Variants in GPC5 observed in about 807,000 individuals in gnomAD.
GPC5 encodes the protein glypican-5.
In GPC5, 47 loss-of-function variants were observed where a neutral mutation model predicts 53.9. The observed-to-expected ratio is 0.87, with a 90% confidence interval of 0.69 to 1.11. The LOEUF (loss-of-function observed/expected upper bound fraction) is 1.11, where lower values mean the gene tolerates loss of function less well. GPC5 is among the 50% of genes most tolerant of loss of function. The probability of loss-of-function intolerance (pLI) is 0.00; values close to 1 mark genes in which losing one functional copy is unlikely to be tolerated. For missense variants in GPC5, 748 were observed against 713.1 expected (o/e 1.05, Z -0.56); for synonymous variants, 286 against 263.3 (o/e 1.09, Z -0.84).
chr13:92,827,658 C>G (rs1460353451), intron 7 of GPC5, among the ~76,000 whole-genome samples: 1 of 152,128 alleles, frequency 6.6e-6, no homozygotes, highest in Non-Finnish European at 1.5e-5. Flanking sequence ...ACAGCAGGCA[C>G]AGCTTGCATC....
chr13:92,486,033 G>A (rs957192468), intron 7 of GPC5, among the ~76,000 whole-genome samples: 4 of 152,154 alleles, frequency 2.6e-5, no homozygotes, highest in African/African-American at 7.2e-5. Flanking sequence ...GCTATGGATC[G>A]TTCAGGCTGA....
At chr13:92,643,808 C>T (rs538033736) in intron 7 of GPC5, among the ~76,000 whole-genome samples, 65 of 150,892 alleles carry the variant, frequency 4.3e-4, no homozygotes, top group African/African-American at 1.5e-3. Context: ...AGCGCACCAG[C>T]ATGGCACATG....
intron 7 of GPC5, among the ~76,000 whole-genome samples, chr13:92,172,447 T>C (rs971583052): frequency 5.3e-5 from 8 of 152,290 alleles, no homozygotes; most frequent in African/African-American, 1.4e-4. Flanking sequence ...ACCTTTTATA[T>C]TGACTCTTAG....
intron 7 of GPC5, among the ~76,000 whole-genome samples, chr13:92,246,619 AG>A (rs2042652774): frequency 6.6e-6 from 1 of 152,164 alleles, no homozygotes; most frequent in Non-Finnish European, 1.5e-5. Context: ...ACTAATACTT[AG>A]CTGAGGTTGC....
At chr13:92,534,919 A>C (rs1881675175) in intron 7 of GPC5, among the ~76,000 whole-genome samples, 1 of 152,214 alleles carries the variant, frequency 6.6e-6, no homozygotes, top group Non-Finnish European at 1.5e-5. Context: ...AAGCCATATT[A>C]GTTTTCAGTT....
At chr13:92,860,365 G>A (rs924257354) in intron 7 of GPC5, among the ~76,000 whole-genome samples, 14 of 152,044 alleles carry the variant, frequency 9.2e-5, no homozygotes, top group Admixed American at 2.6e-4. Flanking sequence ...TAGCCATACA[G>A]TCACTCTTCT....
intron 7 of GPC5, among the ~76,000 whole-genome samples, chr13:92,462,799 C>T (rs1298934875): frequency 2.0e-5 from 3 of 151,504 alleles, no homozygotes; most frequent in East Asian, 1.9e-4. Context: ...TCACTGCAAC[C>T]TCTGCCTCCC....
rs908448269 is a variant in GPC5, at chr13:92,387,775, A to G, written c.1561+242786A>G. ...TAAGCTTCAACAAGTTAATTAACCT[A>G]TTTAAGCTCTGGTTTCCTTACTAGT... On this transcript the variant is annotated intron_variant, in intron 7 of 7. Transcript: ENST00000377067. Among the ~76,000 whole-genome samples the G allele has an allele frequency of 6.6e-5, 10 of 152,254 alleles. No individual in the cohort carries two copies. In the East Asian group the frequency reaches 1.5e-3, roughly 23 times the overall value.
At chr13:91,601,038 G>A (rs181000233) in intron 2 of GPC5, among the ~76,000 whole-genome samples, 100 of 152,214 alleles carry the variant, frequency 6.6e-4, no homozygotes, top group African/African-American at 2.3e-3. Flanking sequence ...CTATGTTCAA[G>A]ACATTCTATT....
chr13:92,353,689 G>T (rs1343235070), intron 7 of GPC5, among the ~76,000 whole-genome samples: 1 of 152,032 alleles, frequency 6.6e-6, no homozygotes, highest in Admixed American at 6.5e-5. Context: ...ATGCACAAAA[G>T]TTTAAGATTA....
At chr13:91,423,540 T>C (rs1176380797) in intron 1 of GPC5, among the ~76,000 whole-genome samples, 4 of 151,960 alleles carry the variant, frequency 2.6e-5, no homozygotes, top group African/African-American at 7.3e-5. Flanking sequence ...AAGCCTACTA[T>C]GTATGGAGAG....
intron 6 of GPC5, among the ~76,000 whole-genome samples, chr13:91,980,512 T>TA (rs1433322437): frequency 6.6e-6 from 1 of 152,128 alleles, no homozygotes; most frequent in African/African-American, 2.4e-5. Flanking sequence ...ATACTTCCCA[T>TA]AAAATCAACA....
At chr13:92,824,781 ACTC>A (rs1225796320) in intron 7 of GPC5, among the ~76,000 whole-genome samples, 1 of 151,788 alleles carries the variant, frequency 6.6e-6, no homozygotes, top group Non-Finnish European at 1.5e-5. Context: ...TAAAAAAATT[ACTC>A]CTTATAGTAA....
intron 7 of GPC5, among the ~76,000 whole-genome samples, chr13:92,775,406 A>T (rs969019493): frequency 6.6e-6 from 1 of 152,214 alleles, no homozygotes; most frequent in Non-Finnish European, 1.5e-5. Context: ...TTTTGCTTCA[A>T]ATATGCCAGT....
chr13:92,506,602 G>A (rs749437018), intron 7 of GPC5, among the ~76,000 whole-genome samples: 3 of 152,004 alleles, frequency 2.0e-5, no homozygotes, highest in Non-Finnish European at 4.4e-5. Flanking sequence ...CTCTTACTTC[G>A]TGATTCTGAG....
intron 5 of GPC5, among the ~76,000 whole-genome samples, chr13:91,757,923 C>G (rs2037329789): frequency 6.6e-6 from 1 of 152,024 alleles, no homozygotes; most frequent in Non-Finnish European, 1.5e-5. Context: ...ATTTATATAA[C>G]TAAGCCACTT....
intron 3 of GPC5, among the ~76,000 whole-genome samples, chr13:91,724,442 C>A (rs1325491312): frequency 6.6e-6 from 1 of 151,980 alleles, no homozygotes; most frequent in Non-Finnish European, 1.5e-5. Flanking sequence ...CGAACTACCT[C>A]CTTTTTTTTT....
At chr13:91,974,638 G>T (rs1243941104) in intron 6 of GPC5, among the ~76,000 whole-genome samples, 1 of 152,146 alleles carries the variant, frequency 6.6e-6, no homozygotes, top group Non-Finnish European at 1.5e-5. Context: ...ACAAATGGAA[G>T]AACATTGCAT....
At chr13:92,685,002 T>C (rs1166393060) in intron 7 of GPC5, among the ~76,000 whole-genome samples, 1 of 152,244 alleles carries the variant, frequency 6.6e-6, no homozygotes, top group East Asian at 1.9e-4. Flanking sequence ...GTTGAGCATC[T>C]TTTCATGTGC....
Sources: allele counts gnomAD v4.1 joint callset (sites outside exome capture counted in the v4.1 genomes callset), GRCh38; gene constraint gnomAD v4.1.1; transcripts MANE v1.5; gene names NCBI Gene and HGNC (gene_info 2026-07-23, HGNC 2026-07-21).